The following SPAG16 variants were observed in gnomAD, a reference collection of about 807,000 sequenced individuals.
SPAG16 encodes sperm-associated antigen 16 protein.
Under a neutral mutation model 80.4 loss-of-function variants are expected in SPAG16, and 86 were observed. The ratio of observed to expected loss-of-function variants is 1.07; its 90% CI spans 0.90 to 1.28. The LOEUF is 1.28. SPAG16 is among the 50% of genes most tolerant of loss of function. SPAG16 has a pLI of 0.00. For synonymous variants in SPAG16, 294 were observed against 265.9 expected, an observed-to-expected ratio of 1.11 and a Z score of -1.03; for missense variants, 870 against 765.3, an observed-to-expected ratio of 1.14 and a Z score of -1.61.
chr2:214,010,278 A>C (rs1238472066), intron 12 of SPAG16, among the ~76,000 whole-genome samples: 1 of 146,510 alleles, frequency 6.8e-6, no homozygotes, highest in African/African-American at 2.7e-5. Context: ...CAGATATTAA[A>C]AATGAAAAAA....
intron 10 of SPAG16, among the ~76,000 whole-genome samples, chr2:213,753,186 G>C (rs2068161005): frequency 6.6e-6 from 1 of 151,992 alleles, no homozygotes; most frequent in Non-Finnish European, 1.5e-5. Context: ...CTAATTTTTT[G>C]TATTTTTAGT....
intron 15 of SPAG16, among the ~76,000 whole-genome samples, chr2:214,255,990 C>A (rs1382566268): frequency 1.3e-5 from 2 of 151,802 alleles, no homozygotes; most frequent in East Asian, 3.9e-4. Context: ...AAATGTAAAG[C>A]CTGTCATAGG....
intron 12 of SPAG16, among the ~76,000 whole-genome samples, chr2:213,997,779 CTTTAGTAA>C (rs1559674172): frequency 6.6e-6 from 1 of 152,096 alleles, no homozygotes; most frequent in African/African-American, 2.4e-5. Context: ...TTTTAAAAAA[CTTTAGTAA>C]TTTATGTTGG....
rs183688763 is a variant in SPAG16, at chr2:213,764,489, C to T, written c.1071-97996C>T. Among the ~76,000 whole-genome samples, 14 of 152,060 alleles carry T rather than the reference C, an allele frequency of 9.2e-5. No homozygotes were observed. In the East Asian group the frequency reaches 1.9e-3, roughly 21 times the overall value. Reference sequence around the variant, plus strand: ...GTGTCCTTGGACTTACATTTTGCAACGTAGTAGATGATATATTGTATTCCA... The same window carrying T: ...GTGTCCTTGGACTTACATTTTGCAATGTAGTAGATGATATATTGTATTCCA... On this transcript the variant is annotated intron_variant, in intron 10 of 15. Coordinates refer to ENST00000331683, the MANE Select transcript of SPAG16 (RefSeq NM_024532.5).
At chr2:213,829,507 G>C (rs1045234967) in intron 10 of SPAG16, among the ~76,000 whole-genome samples, 1 of 152,114 alleles carries the variant, frequency 6.6e-6, no homozygotes, top group Non-Finnish European at 1.5e-5. Context: ...GGCCAAGCAA[G>C]TACCTAAGGT....
At chr2:214,407,486 A>G (rs995428215) in intron 15 of SPAG16, among the ~76,000 whole-genome samples, 8 of 152,250 alleles carry the variant, frequency 5.3e-5, no homozygotes, top group African/African-American at 1.9e-4. Context: ...TTTTCATTCC[A>G]TTGACCAAGT....
intron 10 of SPAG16, among the ~76,000 whole-genome samples, chr2:213,577,635 G>T (rs1319343651): frequency 1.3e-5 from 2 of 152,088 alleles, no homozygotes; most frequent in Non-Finnish European, 2.9e-5. Flanking sequence ...CAATAATTAT[G>T]TTTTTGCTCC....
At chr2:213,835,271 C>T (rs2074012644) in intron 10 of SPAG16, among the ~76,000 whole-genome samples, 1 of 152,218 alleles carries the variant, frequency 6.6e-6, no homozygotes, top group East Asian at 1.9e-4. Flanking sequence ...GTTCGTTATG[C>T]CATTTATAGC....
chr2:214,150,226 A>G (rs2055909973), intron 15 of SPAG16, among the ~76,000 whole-genome samples: 2 of 152,060 alleles, frequency 1.3e-5, no homozygotes, highest in Non-Finnish European at 2.9e-5. Flanking sequence ...CCAGAAGATA[A>G]TTGTGTGTTT....
intron 10 of SPAG16, among the ~76,000 whole-genome samples, chr2:213,829,164 G>C (rs543816719): frequency 2.6e-5 from 4 of 152,256 alleles, no homozygotes; most frequent in Admixed American, 6.5e-5. Flanking sequence ...TTGCTGTCTG[G>C]GAGCCAGGGC....
chr2:214,318,465 T>G (rs979316280), intron 15 of SPAG16, among the ~76,000 whole-genome samples: 3 of 130,672 alleles, frequency 2.3e-5, no homozygotes, highest in African/African-American at 8.5e-5. Flanking sequence ...CGCTGCAACC[T>G]CCGCCTCCTG....
intron 15 of SPAG16, among the ~76,000 whole-genome samples, chr2:214,217,395 G>C (rs920034101): frequency 1.3e-5 from 2 of 152,216 alleles, no homozygotes; most frequent in Non-Finnish European, 2.9e-5. Flanking sequence ...TAAAATTAAA[G>C]AAAGGGCTGT....
At position 213,918,315 on chromosome 2, in the gene SPAG16, A is replaced by G. The variant is rs956894392; in HGVS notation, c.1215-11645A>G. On this transcript the variant is annotated intron_variant, in intron 11 of 15. Coordinates refer to ENST00000331683, the MANE Select transcript of SPAG16 (RefSeq NM_024532.5). The stretch of plus-strand genomic sequence containing the variant: ...GTTGAGAAGGAATCTCTCCTCCTCA[A>G]TTTTTTGGAACAGTTTCAGTAAGAG... Among the ~76,000 whole-genome samples the G allele has an allele frequency of 4.6e-5, 7 of 152,222 alleles. No individual in the cohort carries two copies. The East Asian group carries it at 5.8e-4, about 13-fold the overall frequency.
intron 15 of SPAG16, among the ~76,000 whole-genome samples, chr2:214,153,068 G>T (rs1281340093): frequency 6.6e-6 from 1 of 152,064 alleles, no homozygotes; most frequent in African/African-American, 2.4e-5. Context: ...AGGTGGAGGA[G>T]CAGTCTTCTC....
chr2:214,356,932 A>G (rs1047469111), intron 15 of SPAG16, among the ~76,000 whole-genome samples: 3 of 151,872 alleles, frequency 2.0e-5, no homozygotes, highest in African/African-American at 2.4e-5. Flanking sequence ...CTGGCAGTCC[A>G]TTCATCCCAA....
intron 15 of SPAG16, among the ~76,000 whole-genome samples, chr2:214,384,089 A>G (rs1700614353): frequency 6.6e-6 from 1 of 152,164 alleles, no homozygotes; most frequent in Admixed American, 6.5e-5. Flanking sequence ...AGACCATCTC[A>G]GAATATTTCA....
chr2:213,338,338 A>T (rs1032262075), intron 5 of SPAG16, among the ~76,000 whole-genome samples: 4 of 152,226 alleles, frequency 2.6e-5, no homozygotes, highest in Admixed American at 2.6e-4. Context: ...CTAGCATCAT[A>T]GTGACAGGAT....
chr2:213,872,224 A>T (rs942992071), intron 11 of SPAG16, among the ~76,000 whole-genome samples: 3 of 152,074 alleles, frequency 2.0e-5, no homozygotes, highest in African/African-American at 7.2e-5. Context: ...TGAAAAAGGG[A>T]TTCTCCCCTA....
intron 15 of SPAG16, among the ~76,000 whole-genome samples, chr2:214,249,373 G>C (rs1690084705): frequency 6.6e-6 from 1 of 151,970 alleles, no homozygotes; most frequent in Non-Finnish European, 1.5e-5. Flanking sequence ...AAAGTTGACT[G>C]TTTACCACCC....
Sources: gnomAD v4.1 joint callset for allele counts (sites outside exome capture counted in the v4.1 genomes callset) on GRCh38, gnomAD v4.1.1 for gene constraint, MANE v1.5 for transcripts, NCBI Gene and HGNC (gene_info 2026-07-23, HGNC 2026-07-21) for gene names.